The following ADAMTSL1 variants were observed in gnomAD, a reference collection of about 807,000 sequenced individuals.
ADAMTSL1 encodes ADAMTS like 1.
In ADAMTSL1, 126 loss-of-function variants were observed where a neutral mutation model predicts 201.8. The observed-to-expected ratio is 0.62, with a 90% CI of 0.54 to 0.72. The LOEUF is 0.72. Ranked by LOEUF, ADAMTSL1 falls within the 30% of genes least tolerant of loss-of-function variation. The probability of loss-of-function intolerance (pLI) is 0.00; values close to 1 mark genes in which losing one functional copy is unlikely to be tolerated. For synonymous variants in ADAMTSL1, 1,121 were observed against 903.4 expected (o/e 1.24, Z -4.32); for missense variants, 2,679 against 2,277.8 (o/e 1.18, Z -3.59).
chr9:18,132,385 T>C (rs886398953), intron 1 of ADAMTSL1, among the ~76,000 whole-genome samples: 2 of 152,196 alleles, frequency 1.3e-5, no homozygotes, highest in African/African-American at 2.4e-5. Context: ...CCATTACTGC[T>C]ACCCATTTCC....
intron 4 of ADAMTSL1, among the ~76,000 whole-genome samples, chr9:18,610,529 A>G (rs1017364355): frequency 2.0e-5 from 3 of 152,202 alleles, no homozygotes; most frequent in African/African-American, 7.2e-5. Flanking sequence ...ACCAGGAAGG[A>G]AAAAGGGTTA....
rs569306945 is a variant in ADAMTSL1, at chr9:18,888,038, T to A, written c.4457T>A (p.Ile1486Asn). Reference sequence around the variant, plus strand: ...CTCATGCAGAAGGCATCTTTAGTGATCCAAGGTAAGAAACCCTGCAGACTT... The same window carrying A: ...CTCATGCAGAAGGCATCTTTAGTGAACCAAGGTAAGAAACCCTGCAGACTT... ...GVLMQKASLV[I>N]QDYWWSVDRL... The change falls in exon 24 of 29, where the codon ATC becomes AAC. Residue 1486 changes from isoleucine (I) to asparagine (N), a missense_variant. By Grantham distance (149) the Ile-to-Asn change is moderately radical. Transcript: ENST00000380548. The A allele has an allele frequency of 6.2e-7, 1 of 1,612,372 alleles. No individual in the cohort carries two copies. The highest frequency in any genetic ancestry group is 1.3e-5 in the African/African-American group (1 of 74,994).
At chr9:18,215,846 C>T (rs542667172) in intron 2 of ADAMTSL1, among the ~76,000 whole-genome samples, 2 of 152,144 alleles carry the variant, frequency 1.3e-5, no homozygotes, top group Admixed American at 6.6e-5. Context: ...TCATGTGAGA[C>T]AGCTGCTACA....
intron 2 of ADAMTSL1, among the ~76,000 whole-genome samples, chr9:18,300,728 G>A (rs1328955106): frequency 4.6e-5 from 7 of 152,056 alleles, no homozygotes; most frequent in Non-Finnish European, 1.0e-4. Flanking sequence ...TTTAATACAG[G>A]AAAAAAGCAA....
intron 4 of ADAMTSL1, among the ~76,000 whole-genome samples, chr9:18,589,318 A>G (rs1375961474): frequency 6.6e-6 from 1 of 151,952 alleles, no homozygotes; most frequent in African/African-American, 2.4e-5. Flanking sequence ...ATTCTAAGGT[A>G]TTTTTTCTTT....
rs1197986376 is a variant in ADAMTSL1 at position 18,777,303 on chromosome 9, T to C, written c.3074T>C (p.Val1025Ala). 1 of 1,604,336 alleles carries C rather than the reference T, an allele frequency of 6.2e-7. No individual in the cohort carries two copies. ...ANPGSRYDDLVSRLLEQGGWP... is the reference protein window; with the variant it reads ...ANPGSRYDDLASRLLEQGGWP... Reference sequence around the variant, plus strand: ...CCGGGGAGCCGCTACGACGACCTCGTCTCCCGGCTGCTGGAGCAGGGCGGC... The same window carrying C: ...CCGGGGAGCCGCTACGACGACCTCGCCTCCCGGCTGCTGGAGCAGGGCGGC... Residue 1025 changes from valine (V) to alanine (A), a missense_variant, in exon 19 of 29, where the codon GTC (valine) becomes GCC (alanine). Coordinates refer to ENST00000380548, the MANE Select transcript of ADAMTSL1 (RefSeq NM_001040272.6).
At chr9:18,345,935 C>A (rs1835694013) in intron 2 of ADAMTSL1, among the ~76,000 whole-genome samples, 2 of 151,900 alleles carry the variant, frequency 1.3e-5, no homozygotes, top group Admixed American at 6.6e-5. Context: ...GCCCTGTAAA[C>A]AAACAAGTCA....
chr9:18,412,833 G>A (rs1818505544), intron 2 of ADAMTSL1, among the ~76,000 whole-genome samples: 1 of 151,830 alleles, frequency 6.6e-6, no homozygotes, highest in Non-Finnish European at 1.5e-5. Context: ...TTTTTTTCTT[G>A]TTTTCTTGCC....
intron 2 of ADAMTSL1, among the ~76,000 whole-genome samples, chr9:18,306,468 A>C (rs1833912693): frequency 6.6e-6 from 1 of 152,200 alleles, no homozygotes; most frequent in Non-Finnish European, 1.5e-5. Flanking sequence ...AGAAATTGCT[A>C]ACTAGAATAA....
rs527622690 is a variant in ADAMTSL1, at chr9:17,932,627, A to G, written c.87+25705A>G. Among the ~76,000 whole-genome samples, 255 of 152,242 alleles carry G rather than the reference A, an allele frequency of 1.7e-3. 2 individuals are homozygous for G. The highest frequency in any genetic ancestry group is 5.9e-3 in the African/African-American group (246 of 41,546). ...GACTTTGGAAAAGATGACAGGAATA[A>G]ACTTCCACTAAGTTTATCTCATTCA... On this transcript the variant is annotated intron_variant, in intron 1 of 29. Transcript: ENST00000680146.
rs1399171748 is a variant in ADAMTSL1 at position 18,012,776 on chromosome 9, T to C, written c.87+105854T>C. Among the ~76,000 whole-genome samples the C allele has an allele frequency of 2.0e-5, 3 of 152,002 alleles. No homozygotes were observed. The East Asian group carries it at 5.8e-4, about 30-fold the overall frequency. ...TTTCAGGGTTGATGAGGTATCACAA[T>C]GCGGGAGCTTTGTCTTTCTTGCTTC... On this transcript the variant is annotated intron_variant, in intron 1 of 29. Coordinates refer to the ADAMTSL1 transcript ENST00000680146.
At chr9:17,961,847 C>T (rs989966070) in intron 1 of ADAMTSL1, among the ~76,000 whole-genome samples, 2 of 152,124 alleles carry the variant, frequency 1.3e-5, no homozygotes, top group Non-Finnish European at 2.9e-5. Context: ...GTCACCACAG[C>T]TCTAGCACCT....
intron 1 of ADAMTSL1, among the ~76,000 whole-genome samples, chr9:18,062,493 C>T (rs1163186077): frequency 6.6e-6 from 1 of 152,014 alleles, no homozygotes; most frequent in East Asian, 1.9e-4. Flanking sequence ...TTTTATTTGG[C>T]AAATACTTAC....
rs760437895 is a variant in ADAMTSL1 at position 18,908,457 on chromosome 9, C to T, written c.5198C>T (p.Thr1733Ile). The T allele has an allele frequency of 4.5e-6, 7 of 1,558,910 alleles. No homozygotes were observed. The South Asian group carries it at 4.7e-5, about 11-fold the overall frequency. Residue 1733 changes from threonine (T) to isoleucine (I), a missense_variant, in exon 29 of 29, where the codon ACC becomes ATC. Transcript: ENST00000380548. ...TPCENMECRD[T>I]TRYCEKVKQL... Reference sequence around the variant, plus strand: ...CCTTTCCCAGTGGAGTGCAGAGACACCACCAGGTACTGCGAGAAGGTGAAA... The same window carrying T: ...CCTTTCCCAGTGGAGTGCAGAGACATCACCAGGTACTGCGAGAAGGTGAAA...
intron 13 of ADAMTSL1, among the ~76,000 whole-genome samples, chr9:18,689,277 C>T (rs999083612): frequency 3.9e-5 from 6 of 152,106 alleles, no homozygotes; most frequent in Non-Finnish European, 5.9e-5. Flanking sequence ...TGACATGTAT[C>T]ACCCACGCAA....
chr9:18,254,403 C>G (rs1397506898), intron 2 of ADAMTSL1, among the ~76,000 whole-genome samples: 1 of 123,102 alleles, frequency 8.1e-6, no homozygotes, highest in Non-Finnish European at 1.6e-5. Flanking sequence ...CGCTCTGTCC[C>G]CCAGGCTGGA....
chr9:18,641,558 A>G lies in ADAMTSL1; in HGVS notation c.834+2147A>G, dbSNP rs114031990. Among the ~76,000 whole-genome samples the G allele has an allele frequency of 6.4e-3, 967 of 152,166 alleles. 8 individuals carry two copies. The highest frequency in any genetic ancestry group is 0.021 in the African/African-American group (888 of 41,546). ...AATATTTTGTGTTGCTTCTAAGAGT[A>G]TATATCTTTTTCTTCAGTGTTTCTT... On this transcript the variant is annotated intron_variant, in intron 7 of 28. Transcript: ENST00000380548.
At chr9:18,821,690 C>T (rs1388872166) in intron 21 of ADAMTSL1, among the ~76,000 whole-genome samples, 1 of 152,138 alleles carries the variant, frequency 6.6e-6, no homozygotes, top group African/African-American at 2.4e-5. Flanking sequence ...ACAAGACTGA[C>T]AGTTGAGTTA....
intron 2 of ADAMTSL1, among the ~76,000 whole-genome samples, chr9:18,337,021 G>T (rs1835268526): frequency 6.6e-6 from 1 of 152,058 alleles, no homozygotes; most frequent in Admixed American, 6.5e-5. Context: ...CAATTTGATT[G>T]GATTGAAGGC....
Sources: gnomAD v4.1 joint callset for allele counts (sites outside exome capture counted in the v4.1 genomes callset) on GRCh38, gnomAD v4.1.1 for gene constraint, MANE v1.5 for transcripts, NCBI Gene and HGNC (gene_info 2026-07-23, HGNC 2026-07-21) for gene names.